NRXN1: variants seen among roughly 807,000 people sequenced by gnomAD.
NRXN1 encodes the protein neurexin 1.
Under a neutral mutation model 150.9 loss-of-function variants are expected in NRXN1, and 39 were observed. That is an observed-to-expected ratio of 0.26 (90% confidence interval 0.20 to 0.34). NRXN1 has a LOEUF of 0.34. Ranked by LOEUF, NRXN1 falls within the 10% of genes least tolerant of loss-of-function variation. NRXN1 has a pLI of 1.00. For synonymous variants in NRXN1, 924 were observed against 757.0 expected, an observed-to-expected ratio of 1.22 and a Z score of -3.62; for missense variants, 1,815 against 1,949.9, an observed-to-expected ratio of 0.93 and a Z score of 1.30.
At chr2:50,637,001 G>A (rs1027162027) in intron 5 of NRXN1, among the ~76,000 whole-genome samples, 3 of 152,092 alleles carry the variant, frequency 2.0e-5, no homozygotes, top group African/African-American at 4.8e-5. Context: ...ACTGACTAGT[G>A]TTTCCCTATG....
intron 18 of NRXN1, among the ~76,000 whole-genome samples, chr2:50,123,890 C>T (rs963044096): frequency 6.6e-6 from 1 of 151,974 alleles, no homozygotes; most frequent in African/African-American, 2.4e-5. Context: ...TAATTGTTGA[C>T]AACCAAAATT....
intron 18 of NRXN1, 82 bp from the exon 19 acceptor site, chr2:50,091,576 T>C: frequency 6.9e-7 from 1 of 1,441,324 alleles, no homozygotes; most frequent in Non-Finnish European, 9.7e-7. Context: ...GGTATTGTTT[T>C]AAAATGTGCT....
intron 22 of NRXN1, chr2:49,926,468 C>A (rs911209183): frequency 5.0e-6 from 2 of 397,584 alleles, no homozygotes; most frequent in African/African-American, 4.1e-5. Flanking sequence ...TCGGTAAACA[C>A]GAGCTATCAA....
In NRXN1 at chr2:50,016,094, T is replaced by G. The variant is rs549257359; in HGVS notation, c.4128+37177A>C. ...AGAAGTAAGGATCTTTTTATTTTAT[T>G]TTTTATTTTAACAAGACCCATGGAC... On this transcript the variant is annotated intron_variant, in intron 21 of 22. Coordinates refer to ENST00000401669, the MANE Select transcript of NRXN1 (RefSeq NM_001330078.2). Among the ~76,000 whole-genome samples, 7 of 152,288 alleles carry G rather than the reference T, an allele frequency of 4.6e-5. 1 individual carries two copies. The highest frequency in any genetic ancestry group is 1.7e-4 in the African/African-American group (7 of 41,558).
chr2:50,196,360 GAA>G (rs1383386897), intron 18 of NRXN1, among the ~76,000 whole-genome samples: 1 of 152,082 alleles, frequency 6.6e-6, no homozygotes. Context: ...TAGAATTCCA[GAA>G]AAGTTTCCTA....
chr2:50,414,236 G>C (rs1471138339), intron 17 of NRXN1, among the ~76,000 whole-genome samples: 1 of 152,018 alleles, frequency 6.6e-6, no homozygotes, highest in African/African-American at 2.4e-5. Context: ...ATAAATGCTA[G>C]GGGGGATGGA....
At chr2:50,815,783 A>T (rs1053043745) in intron 5 of NRXN1, among the ~76,000 whole-genome samples, 1 of 152,166 alleles carries the variant, frequency 6.6e-6, no homozygotes, top group African/African-American at 2.4e-5. Flanking sequence ...TTTTCACGCT[A>T]TTTTATCTAT....
intron 5 of NRXN1, among the ~76,000 whole-genome samples, chr2:50,772,981 T>C (rs1412904104): frequency 6.6e-6 from 1 of 152,090 alleles, no homozygotes; most frequent in East Asian, 1.9e-4. Context: ...TACTTGACAA[T>C]ATAAAGATAA....
chr2:50,305,747 CA>C, intron 17 of NRXN1, among the ~76,000 whole-genome samples: 1 of 152,152 alleles, frequency 6.6e-6, no homozygotes, highest in East Asian at 1.9e-4. Flanking sequence ...TCCAAAAATT[CA>C]AATTGCTTTT....
intron 5 of NRXN1, among the ~76,000 whole-genome samples, chr2:50,668,335 A>C (rs1278039300): frequency 6.6e-6 from 1 of 151,706 alleles, no homozygotes; most frequent in African/African-American, 2.4e-5. Context: ...AGAGTGAAAA[A>C]TATAGTCAAC....
intron 16 of NRXN1, 49 bp downstream of exon 16, chr2:50,472,249 G>T: frequency 2.1e-6 from 3 of 1,445,148 alleles, no homozygotes; most frequent in South Asian, 1.6e-5. Context: ...CTCTCAGTTA[G>T]ACAGGTGGAA....
intron 5 of NRXN1, among the ~76,000 whole-genome samples, chr2:50,890,812 T>C (rs903150554): frequency 6.6e-6 from 1 of 151,950 alleles, no homozygotes; most frequent in Non-Finnish European, 1.5e-5. Flanking sequence ...ATAACGACTG[T>C]AGTGAAACAA....
intron 19 of NRXN1, among the ~76,000 whole-genome samples, chr2:50,079,768 A>G (rs1697664077): frequency 6.6e-6 from 1 of 152,116 alleles, no homozygotes; most frequent in African/African-American, 2.4e-5. Context: ...ATTATCTAGT[A>G]AGAGGAGCGA....
intron 5 of NRXN1, among the ~76,000 whole-genome samples, chr2:50,890,830 TG>T (rs1189804924): frequency 4.6e-5 from 7 of 151,976 alleles, no homozygotes; most frequent in Non-Finnish European, 8.8e-5. Flanking sequence ...CAACTGTATT[TG>T]TTTTATTGTA....
At chr2:50,571,286 C>G (rs1670624489) in intron 8 of NRXN1, among the ~76,000 whole-genome samples, 1 of 152,142 alleles carries the variant, frequency 6.6e-6, no homozygotes, top group South Asian at 2.1e-4. Context: ...TCATTCAGAA[C>G]AACAGGTTTG....
intron 17 of NRXN1, among the ~76,000 whole-genome samples, chr2:50,286,646 A>G (rs181391471): frequency 6.6e-6 from 1 of 152,164 alleles, no homozygotes; most frequent in Admixed American, 6.5e-5. Context: ...CAAAACAAAC[A>G]GCCAATTCAT....
At chr2:50,873,038 T>C (rs1310775311) in intron 5 of NRXN1, among the ~76,000 whole-genome samples, 1 of 151,764 alleles carries the variant, frequency 6.6e-6, no homozygotes, top group Non-Finnish European at 1.5e-5. Context: ...CCCCATATGA[T>C]GTCTAAAAGT....
At chr2:49,925,270 A>G (rs1331070552) in intron 22 of NRXN1, among the ~76,000 whole-genome samples, 1 of 146,784 alleles carries the variant, frequency 6.8e-6, no homozygotes, top group Admixed American at 6.9e-5. Context: ...AGAGCGAGAC[A>G]CTGCCTCAAC....
intron 17 of NRXN1, among the ~76,000 whole-genome samples, chr2:50,349,092 T>A (rs1192556549): frequency 6.6e-6 from 1 of 152,192 alleles, no homozygotes; most frequent in Admixed American, 6.5e-5. Flanking sequence ...ATAAATAGTG[T>A]CCAGTGGCCC....
Sources: allele counts gnomAD v4.1 joint callset (sites outside exome capture counted in the v4.1 genomes callset), GRCh38; gene constraint gnomAD v4.1.1; transcripts MANE v1.5; gene names NCBI Gene and HGNC (gene_info 2026-07-23, HGNC 2026-07-21).